The following KLRB1 variants were observed in gnomAD, a reference collection of about 807,000 sequenced individuals.
KLRB1 encodes killer cell lectin like receptor B1.
KLRB1 carries 27 observed loss-of-function variants against 33.5 expected under a neutral mutation model. The ratio of observed to expected loss-of-function variants is 0.81; its 90% CI spans 0.59 to 1.11. The LOEUF (loss-of-function observed/expected upper bound fraction) is 1.11. KLRB1 is among the 50% of genes most tolerant of loss of function. The pLI, the probability that KLRB1 is intolerant of heterozygous loss-of-function variation, is 0.00. For missense variants in KLRB1, 241 were observed against 254.1 expected (o/e 0.95, Z 0.35); for synonymous variants, 64 against 88.9 (o/e 0.72, Z 1.58).
rs1397662947 is a variant in KLRB1 at position 9,595,022 on chromosome 12, T to A, written c.*252A>T. The A allele has an allele frequency of 2.3e-6, 1 of 427,312 alleles. No homozygotes were observed. Among genetic ancestry groups the A allele is most frequent in the Admixed American group, 3.9e-5 (1 of 25,774 alleles). The allele number at this position is 427,312 out of a possible 1,614,324, so 26.5% of individuals were successfully genotyped here. ...AATCTGGCATATTCGGGGACATCCTTCACTCCTTCACCATAGAATATCACT... is the reference window on the plus strand; with the variant it reads ...AATCTGGCATATTCGGGGACATCCTACACTCCTTCACCATAGAATATCACT... On this transcript the variant is annotated 3_prime_UTR_variant, in exon 6 of 6. Coordinates refer to ENST00000229402, the MANE Select transcript of KLRB1 (RefSeq NM_002258.3).
intron 1 of KLRB1, among the ~76,000 whole-genome samples, chr12:9,603,598 ATTTT>A (rs35214620): frequency 5.9e-5 from 8 of 136,530 alleles, no homozygotes; most frequent in Admixed American, 2.2e-4. Context: ...CTAATTTTGT[ATTTT>A]TTTTTTTTTT....
chr12:9,604,118 T>G (rs1591657737), intron 1 of KLRB1, among the ~76,000 whole-genome samples: 1 of 152,174 alleles, frequency 6.6e-6, no homozygotes, highest in South Asian at 2.1e-4. Context: ...GTGTACTGTG[T>G]CTGGGAGGAA....
intron 1 of KLRB1, 170 bp downstream of exon 1, chr12:9,607,585 T>G (rs1162647896): frequency 1.8e-6 from 1 of 559,284 alleles, no homozygotes; most frequent in African/African-American, 1.9e-5. Flanking sequence ...AGGTTTAAAT[T>G]TTTTTTCCCA....
intron 2 of KLRB1, 77 bp from the exon 3 acceptor site, chr12:9,599,918 G>A: frequency 1.2e-6 from 1 of 803,380 alleles, no homozygotes; most frequent in Non-Finnish European, 2.2e-6. Flanking sequence ...TGTTACTTTA[G>A]GAAACTAGAT....
At chr12:9,606,706 TAAAATATATAAAATATATGTATAAAAAG>T (rs1864605101) in intron 1 of KLRB1, among the ~76,000 whole-genome samples, 1 of 74,252 alleles carries the variant, frequency 1.3e-5, no homozygotes, top group Non-Finnish European at 2.7e-5. Flanking sequence ...TATATATATA[TAAAATATATAAAATATATGTATAAAAAG>T]TATATATATA....
intron 1 of KLRB1, among the ~76,000 whole-genome samples, chr12:9,606,720 TATATGTATAAAAAGTATA>T (rs1864606412): frequency 1.6e-5 from 1 of 61,402 alleles, no homozygotes; most frequent in African/African-American, 6.0e-5. Flanking sequence ...ATATATAAAA[TATATGTATAAAAAGTATA>T]TATATATATA....
chr12:9,605,353 A>G (rs1198965958), intron 1 of KLRB1, among the ~76,000 whole-genome samples: 1 of 152,186 alleles, frequency 6.6e-6, no homozygotes, highest in East Asian at 1.9e-4. Flanking sequence ...GTATATACCC[A>G]GTAGTGGGAT....
Position 9,607,297 on chromosome 12 carries a change from TCTC to T in KLRB1, c.85+455_85+457del, listed in dbSNP as rs1163008705. Among the ~76,000 whole-genome samples, 12 of 92,362 alleles carry T rather than the reference TCTC, an allele frequency of 1.3e-4. 1 individual carries two copies. Among genetic ancestry groups the T allele is most frequent in the Non-Finnish European group, 1.7e-4 (8 of 45,788 alleles). 60.6% of individuals were successfully genotyped at this position (92,362 alleles called of 152,430 possible). A position where few individuals can be genotyped will look rare whatever the true frequency, so the allele number is the denominator to read the frequency against. On this transcript the variant is annotated intron_variant, in intron 1 of 5. Transcript: ENST00000229402. ...CTTTCTCTCTCTTTCTTTTTCTTTC[TCTC>T]CTTTCTTTCTTTCTTCTTTTCTTTC...
chr12:9,607,339 T>TTCCTGCCTGC (rs1330109407), intron 1 of KLRB1, among the ~76,000 whole-genome samples: 7 of 61,236 alleles, frequency 1.1e-4, no homozygotes, highest in Admixed American at 2.0e-4. Flanking sequence ...TTCTTTCCTT[T>TTCCTGCCTGC]CTTTCTTTCT....
intron 4 of KLRB1, 65 bp from the exon 5 acceptor site, chr12:9,598,226 A>G (rs1864509164): frequency 9.8e-7 from 1 of 1,022,770 alleles, no homozygotes; most frequent in Admixed American, 2.0e-5. Context: ...CCTAAAACCT[A>G]GTTCAAGCAT....
At chr12:9,607,609 C>T in intron 1 of KLRB1, 146 bp downstream of exon 1, 1 of 585,304 alleles carries the variant, frequency 1.7e-6, no homozygotes, top group Non-Finnish European at 3.1e-6. Flanking sequence ...TTGTGATTAT[C>T]TACAGGCAAG....
Position 9,607,339 on chromosome 12 carries a change from TCTTTCTTTCTTTCTTC to T in KLRB1, c.85+400_85+415del, listed in dbSNP as rs1271325924. On this transcript the variant is annotated intron_variant, in intron 1 of 5. Coordinates refer to ENST00000229402, the MANE Select transcript of KLRB1 (RefSeq NM_002258.3). ...TTCTTTTCTTTCTCTTTCTTTCCTTTCTTTCTTTCTTTCTTCCTTTCTTTCTTTCTTTCTTTCTTTC... is the reference window on the plus strand; with the variant it reads ...TTCTTTTCTTTCTCTTTCTTTCCTTTCTTTCTTTCTTTCTTTCTTTCTTTC... Among the ~76,000 whole-genome samples the T allele has an allele frequency of 3.7e-3, 228 of 61,242 alleles. 6 individuals carry two copies. The highest frequency in any genetic ancestry group is 0.011 in the African/African-American group (213 of 18,774). The allele number at this position is 61,242 out of a possible 152,430, so 40.2% of individuals were successfully genotyped here. A position where few individuals can be genotyped will look rare whatever the true frequency, so the allele number is the denominator to read the frequency against.
chr12:9,599,288 CCACTATAGT>C (rs1270529748), intron 3 of KLRB1, among the ~76,000 whole-genome samples: 1 of 152,184 alleles, frequency 6.6e-6, no homozygotes, highest in Non-Finnish European at 1.5e-5. Context: ...AGATCATATT[CCACTATAGT>C]CACTCAACAG....
chr12:9,600,986 A>T (rs1255104949), intron 2 of KLRB1, among the ~76,000 whole-genome samples: 1 of 148,048 alleles, frequency 6.8e-6, no homozygotes, highest in African/African-American at 2.5e-5. Flanking sequence ...TGGGCAATGG[A>T]ATGTCTCGGT....
intron 1 of KLRB1, among the ~76,000 whole-genome samples, chr12:9,604,347 C>G (rs2120720453): frequency 6.6e-6 from 1 of 152,272 alleles, no homozygotes; most frequent in South Asian, 2.1e-4. Context: ...TAGAATGGCT[C>G]ATATGTCCCT....
chr12:9,600,508 T>C (rs1025021725), intron 2 of KLRB1, among the ~76,000 whole-genome samples: 1 of 152,206 alleles, frequency 6.6e-6, no homozygotes, highest in African/African-American at 2.4e-5. Context: ...TGTGTCTGTG[T>C]AGAAAGAAGT....
rs1209935766 is a variant in KLRB1 at position 9,595,066 on chromosome 12, A to G, written c.*208T>C. On this transcript the variant is annotated 3_prime_UTR_variant, in exon 6 of 6. Coordinates refer to ENST00000229402, the MANE Select transcript of KLRB1 (RefSeq NM_002258.3). ...TATCACTGTTTCTTTAAAACGATGC[A>G]CGTTTTTCTCTATGTCTCTGTTTCC... is the stretch of plus-strand genomic sequence containing the variant. 2 of 541,768 alleles carry G rather than the reference A, an allele frequency of 3.7e-6. No homozygotes were observed. The highest frequency in any genetic ancestry group is 1.9e-5 in the African/African-American group (1 of 52,508). 33.6% of individuals were successfully genotyped at this position (541,768 alleles called of 1,614,324 possible).
chr12:9,607,836 C>G lies in KLRB1; in HGVS notation c.4G>C (p.Asp2His). 1.2e-6 allele frequency: 2 copies of G among 1,610,708 alleles called. No individual in the cohort carries two copies. The highest frequency in any genetic ancestry group is 1.7e-6 in the Non-Finnish European group (2 of 1,177,242). The change falls in exon 1 of 6, where the codon GAC (aspartate) becomes CAC (histidine). Residue 2 changes from aspartate to histidine, a missense_variant. By Grantham distance (81) the Asp-to-His change is moderately conservative (BLOSUM62 -1). Transcript: ENST00000229402. MDQQAIYAELNL... is the reference protein window; with the variant it reads MHQQAIYAELNL... ...AACTCAGCATATATTGCTTGTTGGT[C>G]CATGGCAGACAGAGGAAGGTGGCAT...
At chr12:9,606,469 G>A (rs1053417681) in intron 1 of KLRB1, 11 of 151,650 alleles carry the variant, frequency 7.3e-5, no homozygotes, top group East Asian at 1.9e-4. Flanking sequence ...AAGTAGGTTC[G>A]TTACTGATAT....
Sources: allele counts gnomAD v4.1 joint callset (sites outside exome capture counted in the v4.1 genomes callset), GRCh38; gene constraint gnomAD v4.1.1; transcripts MANE v1.5; gene names NCBI Gene and HGNC (gene_info 2026-07-23, HGNC 2026-07-21).